The following WWOX variants were observed in gnomAD, a reference collection of about 807,000 sequenced individuals.
WWOX encodes the protein WW domain-containing oxidoreductase.
WWOX carries 69 observed loss-of-function variants against 46.2 expected under a neutral mutation model. That is an observed-to-expected ratio of 1.49 (90% CI 1.23 to 1.82). The LOEUF is 1.82. WWOX is among the 40% of genes most tolerant of loss of function. The pLI, the probability that WWOX is intolerant of heterozygous loss-of-function variation, is 0.00. For missense variants in WWOX, 919 were observed against 542.6 expected, an observed-to-expected ratio of 1.69 and a Z score of -6.89; for synonymous variants, 359 against 202.6, an observed-to-expected ratio of 1.77 and a Z score of -6.56.
intron 8 of WWOX, among the ~76,000 whole-genome samples, chr16:78,939,544 C>T (rs2045810133): frequency 6.6e-6 from 1 of 152,014 alleles, no homozygotes; most frequent in Admixed American, 6.6e-5. Context: ...TTATTTTTGG[C>T]AAAAGTGGCA....
In WWOX at chr16:78,342,180, CTG is replaced by C. The variant is rs1305018152; in HGVS notation, c.517-44678_517-44677del. 1.6e-4 allele frequency among the ~76,000 whole-genome samples: 19 copies of C among 121,600 alleles called. 4 individuals are homozygous for C. The highest frequency in any genetic ancestry group is 4.7e-4 in the African/African-American group (17 of 36,070). The allele number at this position is 121,600 out of a possible 152,430, so 79.8% of individuals were successfully genotyped here. A position where few individuals can be genotyped will look rare whatever the true frequency, so the allele number is the denominator to read the frequency against. ...GAAGGCTGAATGCTTTATCAGAAAACTGTATTTGGAGGGGACCTTTCTGGGGT... is the reference window on the plus strand; with the variant it reads ...GAAGGCTGAATGCTTTATCAGAAAACTATTTGGAGGGGACCTTTCTGGGGT... On this transcript the variant is annotated intron_variant, in intron 5 of 8. Transcript: ENST00000566780.
chr16:79,184,258 G>A (rs1293659366), intron 8 of WWOX, among the ~76,000 whole-genome samples: 12 of 152,192 alleles, frequency 7.9e-5, no homozygotes, highest in Non-Finnish European at 1.5e-5. Flanking sequence ...TTAGTTTGTA[G>A]AGTCCACACA....
rs570895599 is a variant in WWOX, at chr16:78,643,113, G to A, written c.1056+210361G>A. ...GTGCTCTCCATTGTTTACCTGAACA[G>A]GCAGAAAAGCTCTATGCAGCTATCC... On this transcript the variant is annotated intron_variant, in intron 8 of 8. Coordinates refer to ENST00000566780, the MANE Select transcript of WWOX (RefSeq NM_016373.4). 3.9e-5 allele frequency among the ~76,000 whole-genome samples: 6 copies of A among 152,238 alleles called. No individual in the cohort carries two copies. In the East Asian group the frequency reaches 7.7e-4, roughly 20 times the overall value.
At chr16:79,023,884 A>C (rs186102867) in intron 8 of WWOX, among the ~76,000 whole-genome samples, 8 of 152,252 alleles carry the variant, frequency 5.3e-5, no homozygotes, top group Admixed American at 5.2e-4. Flanking sequence ...TAAAGTCAGG[A>C]GGCAGAGGTT....
At chr16:78,328,842 CTTTTG>C (rs1567504289) in intron 5 of WWOX, among the ~76,000 whole-genome samples, 12 of 150,410 alleles carry the variant, frequency 8.0e-5, no homozygotes, top group Non-Finnish European at 1.8e-4. Flanking sequence ...TTTTTCTTTT[CTTTTG>C]TTTTCTTTTC....
At chr16:78,192,619 T>C (rs1018185756) in intron 5 of WWOX, among the ~76,000 whole-genome samples, 10 of 152,176 alleles carry the variant, frequency 6.6e-5, no homozygotes, top group African/African-American at 2.2e-4. Context: ...TACTTTGTAA[T>C]GTTACTGGTG....
chr16:78,938,390 T>G (rs2045785678), intron 8 of WWOX, among the ~76,000 whole-genome samples: 1 of 152,060 alleles, frequency 6.6e-6, no homozygotes, highest in Admixed American at 6.6e-5. Context: ...GTGATATTTA[T>G]CAAGTGCAGA....
At position 78,484,670 on chromosome 16, in the gene WWOX, G is replaced by A. The variant is rs1047206633; in HGVS notation, c.1056+51918G>A. Among the ~76,000 whole-genome samples the A allele has an allele frequency of 4.6e-5, 7 of 152,244 alleles. No homozygotes were observed. In the South Asian group the frequency reaches 1.0e-3, roughly 23 times the overall value. ...AGTGGATGTGGGGCTTTAAAGGCAG[G>A]AGTCTCTAAGCAGGTTGCTAATTTT... is the stretch of plus-strand genomic sequence containing the variant. On this transcript the variant is annotated intron_variant, in intron 8 of 8. Transcript: ENST00000566780.
intron 8 of WWOX, among the ~76,000 whole-genome samples, chr16:78,616,153 G>C (rs1238186289): frequency 6.6e-6 from 1 of 151,782 alleles, no homozygotes; most frequent in African/African-American, 2.4e-5. Context: ...GGTAGCAATT[G>C]TCTTCGGCTT....
At chr16:78,723,582 C>CTTTTG (rs1369214444) in intron 8 of WWOX, among the ~76,000 whole-genome samples, 1 of 68,624 alleles carries the variant, frequency 1.5e-5, no homozygotes, top group Non-Finnish European at 3.0e-5. Flanking sequence ...CTTTTCTTTT[C>CTTTTG]TTTTCTTTTC....
At chr16:78,245,859 T>C (rs1176010919) in intron 5 of WWOX, among the ~76,000 whole-genome samples, 2 of 152,052 alleles carry the variant, frequency 1.3e-5, no homozygotes, top group East Asian at 1.9e-4. Context: ...CTCTTCAAAA[T>C]AAGAGCAAAG....
At chr16:79,149,006 C>T (rs7205572) in intron 8 of WWOX, among the ~76,000 whole-genome samples, 48,151 of 151,664 alleles carry the variant, frequency 0.32, 7,779 homozygotes, top group East Asian at 0.48. Flanking sequence ...TTATTTCTTC[C>T]TTTATAATAT....
At chr16:78,621,284 T>C (rs1238951739) in intron 8 of WWOX, among the ~76,000 whole-genome samples, 1 of 152,132 alleles carries the variant, frequency 6.6e-6, no homozygotes. Context: ...GAACTTTCCA[T>C]TAACTCACAG....
intron 5 of WWOX, among the ~76,000 whole-genome samples, chr16:78,175,681 A>T (rs996401483): frequency 6.6e-6 from 1 of 152,190 alleles, no homozygotes. Context: ...GATTCATGTC[A>T]TGAGAGATCC....
At chr16:78,105,291 A>G (rs1001799795) in intron 1 of WWOX, among the ~76,000 whole-genome samples, 10 of 152,238 alleles carry the variant, frequency 6.6e-5, no homozygotes, top group African/African-American at 2.4e-4. Flanking sequence ...GTGAAACCCC[A>G]TCTCTACTAA....
At chr16:78,120,088 A>G (rs2033011042) in intron 4 of WWOX, among the ~76,000 whole-genome samples, 1 of 152,150 alleles carries the variant, frequency 6.6e-6, no homozygotes, top group Non-Finnish European at 1.5e-5. Flanking sequence ...CCAGTGAAAT[A>G]TATTTTGGGA....
At chr16:78,678,416 G>A (rs1014715406) in intron 8 of WWOX, among the ~76,000 whole-genome samples, 1 of 152,082 alleles carries the variant, frequency 6.6e-6, no homozygotes, top group Non-Finnish European at 1.5e-5. Context: ...ATGAATGAAT[G>A]GATTATTTTA....
At chr16:78,352,639 A>G (rs192529219) in intron 5 of WWOX, among the ~76,000 whole-genome samples, 2 of 152,330 alleles carry the variant, frequency 1.3e-5, no homozygotes, top group Admixed American at 6.5e-5. Context: ...AGGTCAGCCA[A>G]TTAGCAATCT....
chr16:78,555,262 C>T (rs185941575), intron 8 of WWOX, among the ~76,000 whole-genome samples: 8 of 151,392 alleles, frequency 5.3e-5, no homozygotes, highest in African/African-American at 1.9e-4. Context: ...CCTATACTGT[C>T]CGGGGAAAGG....
Sources: allele counts gnomAD v4.1 joint callset (sites outside exome capture counted in the v4.1 genomes callset), GRCh38; gene constraint gnomAD v4.1.1; transcripts MANE v1.5; gene names NCBI Gene and HGNC (gene_info 2026-07-23, HGNC 2026-07-21).